Variants in PPM1L observed in about 807,000 individuals in gnomAD.
The protein encoded by PPM1L is protein phosphatase, Mg2+/Mn2+ dependent 1L.
PPM1L carries 13 observed loss-of-function variants against 31.4 expected under a neutral mutation model. That is an observed-to-expected ratio of 0.41 (90% CI 0.27 to 0.66). The LOEUF (loss-of-function observed/expected upper bound fraction) is 0.66. PPM1L is among the 30% of genes least tolerant of loss of function. PPM1L has a pLI of 0.29. For missense variants in PPM1L, 326 were observed against 453.7 expected, an observed-to-expected ratio of 0.72 and a Z score of 2.56; for synonymous variants, 184 against 175.4, an observed-to-expected ratio of 1.05 and a Z score of -0.39.
intron 2 of PPM1L, among the ~76,000 whole-genome samples, chr3:161,061,422 T>C (rs1367780911): frequency 1.3e-5 from 2 of 152,198 alleles, no homozygotes; most frequent in African/African-American, 2.4e-5. Context: ...AATTTACCCA[T>C]AGAAACAGTG....
At chr3:160,973,686 G>T (rs1206950649) in intron 2 of PPM1L, among the ~76,000 whole-genome samples, 1 of 146,212 alleles carries the variant, frequency 6.8e-6, no homozygotes, top group Admixed American at 7.0e-5. Flanking sequence ...ATGCCATTTT[G>T]CAAATGTTAT....
rs372807679 is a variant in PPM1L at position 160,881,135 on chromosome 3, C to T, written c.400-80601C>T. 9.8e-5 allele frequency among the ~76,000 whole-genome samples: 15 copies of T among 152,302 alleles called. No individual in the cohort carries two copies. In the South Asian group the frequency reaches 1.7e-3, roughly 17 times the overall value. On this transcript the variant is annotated intron_variant, in intron 1 of 3. Transcript: ENST00000498165. Reference sequence around the variant, plus strand: ...AATATTCTTCTAACTTAAAGAATATCATTGCATACCTATATTTAGGCACTA... The same window carrying T: ...AATATTCTTCTAACTTAAAGAATATTATTGCATACCTATATTTAGGCACTA...
chr3:160,854,868 T>C (rs1437760149), intron 1 of PPM1L, among the ~76,000 whole-genome samples: 2 of 109,448 alleles, frequency 1.8e-5, no homozygotes, highest in African/African-American at 8.0e-5. Context: ...ATTCTAAAAT[T>C]CATGTGGAAC....
chr3:160,918,032 A>G (rs1277646759), intron 1 of PPM1L, among the ~76,000 whole-genome samples: 1 of 152,206 alleles, frequency 6.6e-6, no homozygotes, highest in African/African-American at 2.4e-5. Context: ...CCAGCTGCAC[A>G]TGCACACTTG....
intron 1 of PPM1L, among the ~76,000 whole-genome samples, chr3:160,817,374 T>C (rs971630619): frequency 1.7e-4 from 26 of 151,954 alleles, no homozygotes; most frequent in Non-Finnish European, 2.8e-4. Context: ...TTTGTTGAGA[T>C]GTGAGGTAAT....
chr3:160,789,901 C>G (rs117857259), intron 1 of PPM1L, among the ~76,000 whole-genome samples: 1 of 152,028 alleles, frequency 6.6e-6, no homozygotes, highest in African/African-American at 2.4e-5. Context: ...CATGGATGCT[C>G]AATTTCCTAA....
chr3:160,948,618 G>A (rs1486903991), intron 1 of PPM1L, among the ~76,000 whole-genome samples: 1 of 152,140 alleles, frequency 6.6e-6, no homozygotes, highest in Non-Finnish European at 1.5e-5. Context: ...GATTCCAGGT[G>A]CTCCCTTGCA....
chr3:160,821,846 C>T (rs954673657), intron 1 of PPM1L, among the ~76,000 whole-genome samples: 1 of 150,884 alleles, frequency 6.6e-6, no homozygotes, highest in African/African-American at 2.4e-5. Flanking sequence ...TCTTTTAATT[C>T]CTTTTTTAAA....
intron 2 of PPM1L, among the ~76,000 whole-genome samples, chr3:161,020,144 TGTACTA>T (rs1718200639): frequency 6.7e-6 from 1 of 150,324 alleles, no homozygotes; most frequent in Admixed American, 6.6e-5. Context: ...AAAAAAAAGT[TGTACTA>T]AGCCTAGAAA....
intron 2 of PPM1L, among the ~76,000 whole-genome samples, chr3:161,006,429 A>T (rs540833350): frequency 6.6e-6 from 1 of 152,324 alleles, no homozygotes; most frequent in Admixed American, 6.5e-5. Flanking sequence ...AAGATCTGTT[A>T]TACAACCATG....
intron 1 of PPM1L, among the ~76,000 whole-genome samples, chr3:160,843,148 T>C (rs1444360681): frequency 2.0e-5 from 3 of 151,910 alleles, no homozygotes; most frequent in African/African-American, 7.2e-5. Flanking sequence ...CACAAATTAT[T>C]AAAATGGAAT....
At chr3:160,961,372 G>A (rs1303709531) in intron 1 of PPM1L, among the ~76,000 whole-genome samples, 1 of 152,170 alleles carries the variant, frequency 6.6e-6, no homozygotes, top group Non-Finnish European at 1.5e-5. Flanking sequence ...GCTGAGATGA[G>A]TGACTGTCTT....
intron 3 of PPM1L, among the ~76,000 whole-genome samples, chr3:161,067,156 A>C (rs1719764577): frequency 1.3e-5 from 2 of 152,128 alleles, no homozygotes; most frequent in African/African-American, 2.4e-5. Context: ...TACACCTGCA[A>C]ATGTCATCTT....
intron 2 of PPM1L, among the ~76,000 whole-genome samples, chr3:161,035,504 C>T (rs760177427): frequency 2.0e-5 from 3 of 152,176 alleles, no homozygotes; most frequent in Non-Finnish European, 2.9e-5. Context: ...AGTCCAGATA[C>T]GTACAACTAC....
chr3:161,065,921 C>T (rs1719725075), intron 3 of PPM1L, among the ~76,000 whole-genome samples: 1 of 152,186 alleles, frequency 6.6e-6, no homozygotes, highest in Non-Finnish European at 1.5e-5. Flanking sequence ...TACCTCTGTG[C>T]CTTTGCAAGT....
rs78707253 is a variant in PPM1L, at chr3:160,834,019, A to ATTT, written c.399+77332_399+77334dup. Among the ~76,000 whole-genome samples the ATTT allele has an allele frequency of 1.4e-4, 18 of 128,732 alleles. 1 individual carries two copies. The highest frequency in any genetic ancestry group is 1.8e-4 in the African/African-American group (6 of 33,348). 84.5% of individuals were successfully genotyped at this position (128,732 alleles called of 152,430 possible). ...CATATGGCTAGCAGTTCTCCCAGGA[A>ATTT]TTTTTTTTTTTTTTTTTTTTTTGAG... is the stretch of plus-strand genomic sequence containing the variant. On this transcript the variant is annotated intron_variant, in intron 1 of 3. Transcript: ENST00000498165.
At position 160,767,460 on chromosome 3, in the gene PPM1L, C is replaced by T. The variant is rs568625856; in HGVS notation, c.399+10753C>T. On this transcript the variant is annotated intron_variant, in intron 1 of 3. Transcript: ENST00000498165. The stretch of plus-strand genomic sequence containing the variant: ...ATGTTACCCAGGCTGATCTTGAACT[C>T]CTGAGCTCAGATGATCCACCCGCCT... Among the ~76,000 whole-genome samples, 9 of 152,160 alleles carry T rather than the reference C, an allele frequency of 5.9e-5. No individual in the cohort carries two copies. The South Asian group carries it at 1.9e-3, about 32-fold the overall frequency.
intron 2 of PPM1L, among the ~76,000 whole-genome samples, chr3:161,031,147 C>T (rs1180625997): frequency 6.6e-6 from 1 of 152,174 alleles, no homozygotes; most frequent in African/African-American, 2.4e-5. Flanking sequence ...CTGAGAAGTA[C>T]TGAGGGCTGG....
chr3:161,035,420 C>G (rs1040929547), intron 2 of PPM1L, among the ~76,000 whole-genome samples: 9 of 152,206 alleles, frequency 5.9e-5, no homozygotes, highest in Non-Finnish European at 1.3e-4. Flanking sequence ...AGATAAGTAA[C>G]CATTGCTTCT....
Sources: allele counts gnomAD v4.1 joint callset (sites outside exome capture counted in the v4.1 genomes callset), GRCh38; gene constraint gnomAD v4.1.1; transcripts MANE v1.5; gene names NCBI Gene and HGNC (gene_info 2026-07-23, HGNC 2026-07-21).